The following TNK2 variants were observed in gnomAD, a reference collection of about 807,000 sequenced individuals.
TNK2 encodes activated CDC42 kinase 1.
TNK2 carries 83 observed loss-of-function variants against 101.8 expected under a neutral mutation model. That is an observed-to-expected ratio of 0.82 (90% CI 0.68 to 0.98). TNK2 has a LOEUF of 0.98. Ranked by LOEUF, TNK2 falls within the 50% of genes least tolerant of loss-of-function variation. The pLI, the probability that TNK2 is intolerant of heterozygous loss-of-function variation, is 0.00. For missense variants in TNK2, 1,665 were observed against 1,483.2 expected, an observed-to-expected ratio of 1.12 and a Z score of -2.01; for synonymous variants, 804 against 633.0, an observed-to-expected ratio of 1.27 and a Z score of -4.06.
chr3:195,888,422 C>T lies in TNK2; in HGVS notation c.163+4G>A, dbSNP rs1029754680. On this transcript the variant is annotated splice_donor_region_variant and intron_variant, in intron 2 of 15. Transcript: ENST00000672887. This position sits in a 1 kb window ranked among gnomAD's most constrained non-coding sequence, Gnocchi z 5.3. ...AAGACAAGCCAGGCCAACATCCCACCTACCAGGCCGACCCATGCCGATCTT... is the reference window on the plus strand; with the variant it reads ...AAGACAAGCCAGGCCAACATCCCACTTACCAGGCCGACCCATGCCGATCTT... 4 of 1,611,984 alleles carry T rather than the reference C, an allele frequency of 2.5e-6. No individual in the cohort carries two copies. In the African/African-American group the frequency reaches 4.0e-5, roughly 16 times the overall value.
chr3:195,883,813 C>T (rs1754361724), intron 4 of TNK2: 1 of 154,706 alleles, frequency 6.5e-6, no homozygotes. Flanking sequence ...GGGGTTTCTC[C>T]ATATTGCTCA....
chr3:195,864,043 C>G lies in TNK2; in HGVS notation c.*138G>C, dbSNP rs1304549450. On this transcript the variant is annotated 3_prime_UTR_variant, in exon 16 of 16. Transcript: ENST00000672887. ...GGGCAGGGCTCCCAGCCTCCCGCAGCCTTGGCCTTGCTCCATCCCCGGGAG... is the reference window on the plus strand; with the variant it reads ...GGGCAGGGCTCCCAGCCTCCCGCAGGCTTGGCCTTGCTCCATCCCCGGGAG... 9 of 1,195,302 alleles carry G rather than the reference C, an allele frequency of 7.5e-6. No homozygotes were observed. The highest frequency in any genetic ancestry group is 3.0e-5 in the African/African-American group (2 of 66,152). 74.0% of individuals were successfully genotyped at this position (1,195,302 alleles called of 1,614,324 possible).
intron 15 of TNK2, among the ~76,000 whole-genome samples, chr3:195,864,403 A>G (rs943014231): frequency 3.3e-5 from 5 of 152,106 alleles, no homozygotes; most frequent in Non-Finnish European, 2.9e-5. Flanking sequence ...GAGAATCCGA[A>G]GACGACAGGT....
intron 1 of TNK2, chr3:195,896,253 A>G (rs1422147314): frequency 2.7e-6 from 1 of 373,482 alleles, no homozygotes; most frequent in Non-Finnish European, 5.3e-6. Flanking sequence ...GCAGCCACTG[A>G]CTCTTTAGTA....
chr3:195,876,021 G>A (rs1008464263), intron 9 of TNK2, among the ~76,000 whole-genome samples: 2 of 152,176 alleles, frequency 1.3e-5, no homozygotes, highest in Non-Finnish European at 2.9e-5. Flanking sequence ...AGGCGCCCAG[G>A]CCTGGAGGGA....
At chr3:195,881,929 G>T in intron 6 of TNK2, 122 bp downstream of exon 6, 1 of 1,228,538 alleles carries the variant, frequency 8.1e-7, no homozygotes. Context: ...GGCACCCCAG[G>T]CTTAGAACAG....
chr3:195,883,432 T>C, intron 4 of TNK2, 123 bp from the exon 5 acceptor site: 1 of 1,190,080 alleles, frequency 8.4e-7, no homozygotes, highest in Non-Finnish European at 1.2e-6. Context: ...TCTGGGTGGG[T>C]AAGCATGTCA....
intron 1 of TNK2, among the ~76,000 whole-genome samples, chr3:195,899,388 G>A (rs1001455639): frequency 1.1e-4 from 17 of 151,910 alleles, no homozygotes; most frequent in African/African-American, 3.4e-4. Context: ...GTGCCATGGC[G>A]CGATCTCGGC....
chr3:195,889,734 T>G (rs961105275), intron 1 of TNK2, among the ~76,000 whole-genome samples: 1 of 152,292 alleles, frequency 6.6e-6, no homozygotes, highest in Admixed American at 6.5e-5. Flanking sequence ...ATAAAGAAGC[T>G]GGTGGCACCT....
At chr3:195,884,394 G>A (rs1754666747) in intron 4 of TNK2, 1 of 159,816 alleles carries the variant, frequency 6.3e-6, no homozygotes, top group Non-Finnish European at 1.4e-5. Flanking sequence ...TGTAATCCAA[G>A]CACTTTGGGA....
At chr3:195,869,068 T>C (rs1576996729) in intron 12 of TNK2, 2 of 460,710 alleles carry the variant, frequency 4.3e-6, no homozygotes. Context: ...TCCCCGCCCC[T>C]GTCACGGCAC....
At chr3:195,905,224 G>C (rs1285718641) in intron 1 of TNK2, among the ~76,000 whole-genome samples, 11 of 152,052 alleles carry the variant, frequency 7.2e-5, no homozygotes. Flanking sequence ...TTTTGAGATG[G>C]AGTCTCACAC....
At chr3:195,884,610 C>G (rs1035535379) in intron 4 of TNK2, 4 of 549,344 alleles carry the variant, frequency 7.3e-6, no homozygotes, top group African/African-American at 5.7e-5. Context: ...GCCTACTGCA[C>G]TCCAGCCTGG....
chr3:195,864,058 A>G lies in TNK2; in HGVS notation c.*123T>C. 1 of 1,371,352 alleles carries G rather than the reference A, an allele frequency of 7.3e-7. No homozygotes were observed. Among genetic ancestry groups the G allele is most frequent in the Non-Finnish European group, 1.0e-6 (1 of 974,714 alleles). The allele number at this position is 1,371,352 out of a possible 1,614,324, so 84.9% of individuals were successfully genotyped here. ...CCTCCCGCAGCCTTGGCCTTGCTCC[A>G]TCCCCGGGAGCAGCAGGAGCAGCGG... On this transcript the variant is annotated 3_prime_UTR_variant, in exon 16 of 16. Transcript: ENST00000672887.
In TNK2 at chr3:195,884,813, G is replaced by A. The variant is rs56161912; in HGVS notation, c.455C>T (p.Thr152Met). Residue 152 changes from threonine (T) to methionine (M), a missense_variant and splice_region_variant, in exon 4 of 16, where the codon ACG (threonine) becomes ATG (methionine). This residue lies in a region of TNK2 where 490 missense variants were observed against 522.5 expected (regional missense o/e 0.94). Transcript: ENST00000672887. ...RGEWDAPSGK[T>M]VSVAVKCLKP... ...GCTGGCAGGACACAGAGAGCTCACC[G>A]TCTTCCCTGAGGGCGCGTCCCACTC... is the stretch of plus-strand genomic sequence containing the variant. 24 of 1,608,700 alleles carry A rather than the reference G, an allele frequency of 1.5e-5. No individual in the cohort carries two copies. The highest frequency in any genetic ancestry group is 4.3e-4 in the Middle Eastern group (2 of 4,624).
At chr3:195,893,679 G>A (rs1033984267) in intron 1 of TNK2, among the ~76,000 whole-genome samples, 5 of 151,964 alleles carry the variant, frequency 3.3e-5, no homozygotes, top group African/African-American at 1.2e-4. Context: ...GACAGCTGCA[G>A]GAAGCCCTCT....
chr3:195,868,523 G>A lies in TNK2; in HGVS notation c.1775C>T (p.Pro592Leu). The A allele has an allele frequency of 6.4e-7, 1 of 1,560,280 alleles. No individual in the cohort carries two copies. Among genetic ancestry groups the A allele is most frequent in the Non-Finnish European group, 8.6e-7 (1 of 1,161,950 alleles). ...GCAGGGCCGTAGGGCCGGGACCACGGGCTCCTCACCGAAGTCGATGAGCGT... is the reference window on the plus strand; with the variant it reads ...GCAGGGCCGTAGGGCCGGGACCACGAGCTCCTCACCGAAGTCGATGAGCGT... The part of the protein sequence containing the change: ...EVTLIDFGEE[P>L]VVPALRPCAP... Residue 592 changes from proline (P) to leucine (L), a missense_variant, in exon 13 of 16, where the codon CCC becomes CTC. Physicochemically the swap from Pro to Leu is moderately conservative, Grantham distance 98. Around this residue, in one of 3 missense-constraint regions of TNK2, gnomAD observed 1,136 missense variants for 894.9 expected, o/e 1.27. Coordinates refer to ENST00000672887, the MANE Select transcript of TNK2 (RefSeq NM_001382273.1).
Position 195,885,535 on chromosome 3 carries a change from C to A in TNK2, c.235-502G>T, listed in dbSNP as rs1446109462. The A allele has an allele frequency of 1.0e-5, 13 of 1,292,212 alleles. No individual in the cohort carries two copies. The highest frequency in any genetic ancestry group is 1.2e-5 in the Non-Finnish European group (12 of 990,648). 80.0% of individuals were successfully genotyped at this position (1,292,212 alleles called of 1,614,324 possible). On this transcript the variant is annotated intron_variant, in intron 3 of 15. Transcript: ENST00000672887. This position sits in a 1 kb window ranked among gnomAD's most constrained non-coding sequence, Gnocchi z 4.7. ...TCCACCCTCACCAGGGAGTCGGCTG[C>A]CCTTCATCCTGCCCAGGGGAGAGGA...
At chr3:195,901,674 C>T (rs986284630) in intron 1 of TNK2, among the ~76,000 whole-genome samples, 8 of 152,156 alleles carry the variant, frequency 5.3e-5, no homozygotes, top group Non-Finnish European at 1.0e-4. Flanking sequence ...AGACACTATG[C>T]GCCAGCTCTT....
Sources: allele counts gnomAD v4.1 joint callset (sites outside exome capture counted in the v4.1 genomes callset), GRCh38; gene constraint gnomAD v4.1.1; regional missense constraint gnomAD v4.1.1; non-coding constraint Gnocchi (gnomAD v3.1); transcripts MANE v1.5; gene names NCBI Gene and HGNC (gene_info 2026-07-23, HGNC 2026-07-21).